Variants in PCDHGA2 observed in about 807,000 individuals in gnomAD.
The protein encoded by PCDHGA2 is protocadherin gamma subfamily A, 2.
PCDHGA2 carries 40 observed loss-of-function variants against 59.2 expected under a neutral mutation model. The observed-to-expected ratio is 0.68, with a 90% confidence interval of 0.52 to 0.88. The LOEUF is 0.88. PCDHGA2 is among the 40% of genes least tolerant of loss of function. The pLI is 0.00. For synonymous variants in PCDHGA2, 560 were observed against 526.0 expected, an observed-to-expected ratio of 1.06 and a Z score of -0.89; for missense variants, 1,226 against 1,204.0, an observed-to-expected ratio of 1.02 and a Z score of -0.27.
intron 1 of PCDHGA2, chr5:141,385,465 G>A: frequency 6.9e-7 from 1 of 1,441,910 alleles, no homozygotes; most frequent in Non-Finnish European, 9.1e-7. Flanking sequence ...TCCTTCAGTG[G>A]TGACACTTTA....
At chr5:141,469,790 T>G (rs956670031) in intron 1 of PCDHGA2, among the ~76,000 whole-genome samples, 2 of 152,224 alleles carry the variant, frequency 1.3e-5, no homozygotes, top group African/African-American at 4.8e-5. Context: ...GCGTTATTTG[T>G]AATTGCAAAA....
chr5:141,364,818 G>A lies in PCDHGA2; in HGVS notation c.2424+23423G>A. ...CCCTTCGCGCGGGATGCGGATGTGGGTGTGAACTCTCTCCGGAGTTACCAG... is the reference window on the plus strand; with the variant it reads ...CCCTTCGCGCGGGATGCGGATGTGGATGTGAACTCTCTCCGGAGTTACCAG... On this transcript the variant is annotated intron_variant, in intron 1 of 3. Transcript: ENST00000394576. 1 of 1,614,014 alleles carries A rather than the reference G, an allele frequency of 6.2e-7. No individual in the cohort carries two copies. The highest frequency in any genetic ancestry group is 8.5e-7 in the Non-Finnish European group (1 of 1,179,904).
chr5:141,439,012 A>G (rs968054607), intron 1 of PCDHGA2, among the ~76,000 whole-genome samples: 4 of 151,916 alleles, frequency 2.6e-5, no homozygotes, highest in South Asian at 2.1e-4. Context: ...TTTGTTTGTC[A>G]AATTTTGAAA....
intron 1 of PCDHGA2, chr5:141,365,579 G>T (rs1300437364): frequency 4.3e-6 from 7 of 1,613,564 alleles, no homozygotes; most frequent in African/African-American, 1.3e-5. Flanking sequence ...AGAGACTTCA[G>T]ATTATAATAT....
intron 1 of PCDHGA2, chr5:141,441,780 C>A: frequency 2.6e-6 from 1 of 391,236 alleles, no homozygotes. Flanking sequence ...GGTGGACGAC[C>A]TGAATGACAA....
At chr5:141,367,748 C>T (rs1765315661) in intron 1 of PCDHGA2, 1 of 152,176 alleles carries the variant, frequency 6.6e-6, no homozygotes, top group African/African-American at 2.4e-5. Flanking sequence ...CAGAGAGTTA[C>T]ATACTGCTGC....
chr5:141,389,977 CAG>C (rs1303197054), intron 1 of PCDHGA2: 1 of 1,613,936 alleles, frequency 6.2e-7, no homozygotes, highest in Non-Finnish European at 8.5e-7. Flanking sequence ...GCCTTGATCT[CAG>C]TGCTCTTCCT....
Position 141,366,231 on chromosome 5 carries a change from A to G in PCDHGA2, c.2424+24836A>G, listed in dbSNP as rs1288043202. 3 of 1,613,786 alleles carry G rather than the reference A, an allele frequency of 1.9e-6. No homozygotes were observed. Among genetic ancestry groups the G allele is most frequent in the Non-Finnish European group, 2.5e-6 (3 of 1,180,026 alleles). On this transcript the variant is annotated intron_variant, in intron 1 of 3. Transcript: ENST00000394576. ...GTGCGCACAGCGCGAGCCCTGCTGG[A>G]CAGAGACGCGCTCAAGCAGAGCCTC...
intron 1 of PCDHGA2, chr5:141,411,852 C>G (rs992038456): frequency 1.3e-5 from 2 of 151,222 alleles, no homozygotes; most frequent in East Asian, 1.9e-4. Context: ...AGAGTGAGAC[C>G]CTGTCTCAAA....
intron 1 of PCDHGA2, chr5:141,366,619 G>T (rs769993265): frequency 6.2e-7 from 1 of 1,614,222 alleles, no homozygotes; most frequent in Non-Finnish European, 8.5e-7. Flanking sequence ...CCGCGGACTC[G>T]AGGAAGAGTC....
At chr5:141,413,658 T>G (rs2154544690) in intron 1 of PCDHGA2, 1 of 1,613,860 alleles carries the variant, frequency 6.2e-7, no homozygotes, top group East Asian at 2.2e-5. Flanking sequence ...TCCCGGAAGC[T>G]ATTGATCCGG....
chr5:141,410,245 C>T, intron 1 of PCDHGA2: 1 of 1,614,038 alleles, frequency 6.2e-7, no homozygotes. Context: ...GCCCTGTACT[C>T]TCTGACCCCC....
chr5:141,428,077 A>G (rs2097107152), intron 1 of PCDHGA2: 4 of 1,609,206 alleles, frequency 2.5e-6, no homozygotes, highest in South Asian at 1.1e-5. Flanking sequence ...GATTCGGGAC[A>G]CAACGCTTGG....
intron 1 of PCDHGA2, among the ~76,000 whole-genome samples, chr5:141,460,912 G>GTGTATA (rs145509489): frequency 0.032 from 4,842 of 149,286 alleles, 90 homozygotes; most frequent in Middle Eastern, 0.083. Flanking sequence ...ATTCCATGGT[G>GTGTATA]TATATATATA....
At chr5:141,362,396 T>C in intron 1 of PCDHGA2, 1 of 1,614,058 alleles carries the variant, frequency 6.2e-7, no homozygotes, top group African/African-American at 1.3e-5. Context: ...TCCTACAACC[T>C]GTGTGTTGCC....
In PCDHGA2 at chr5:141,430,950, T is replaced by A. The variant is rs756423770; in HGVS notation, c.2425-63857T>A. 7 of 1,609,862 alleles carry A rather than the reference T, an allele frequency of 4.3e-6. No individual in the cohort carries two copies. Among genetic ancestry groups the A allele is most frequent in the Non-Finnish European group, 5.1e-6 (6 of 1,178,368 alleles). On this transcript the variant is annotated intron_variant, in intron 1 of 3. Transcript: ENST00000394576. ...CCCCGGGAGCTCGCGGAGCGCGGAG[T>A]CCGCATCATCCCCAGAGGTAGGACG... is the stretch of plus-strand genomic sequence containing the variant.
intron 1 of PCDHGA2, chr5:141,421,236 TCGGCTACAG>T (rs761399164): frequency 3.8e-5 from 60 of 1,594,916 alleles, no homozygotes; most frequent in Non-Finnish European, 5.1e-5. Flanking sequence ...CCATGGCGAA[TCGGCTACAG>T]CGCGGGGACC....
intron 1 of PCDHGA2, chr5:141,383,999 C>A: frequency 1.2e-6 from 2 of 1,613,800 alleles, no homozygotes; most frequent in Non-Finnish European, 1.7e-6. Context: ...ACAGTCATTG[C>A]TCTTTTCTAC....
At chr5:141,429,169 T>TACACACACACACACACACAAAC (rs2097191391) in intron 1 of PCDHGA2, 1 of 145,394 alleles carries the variant, frequency 6.9e-6, no homozygotes, top group East Asian at 2.0e-4. Flanking sequence ...ACATTGTTTA[T>TACACACACACACACACACAAAC]ACACACACAC....
Sources: allele counts gnomAD v4.1 joint callset (sites outside exome capture counted in the v4.1 genomes callset), GRCh38; gene constraint gnomAD v4.1.1; transcripts MANE v1.5; gene names NCBI Gene and HGNC (gene_info 2026-07-23, HGNC 2026-07-21).